SLC17A8: variants seen among roughly 807,000 people sequenced by gnomAD.
SLC17A8 encodes the protein solute carrier family 17 member 8.
A neutral mutation model predicts 58.0 loss-of-function variants in SLC17A8; 31 were observed. The observed-to-expected ratio is 0.53, with a 90% CI of 0.40 to 0.72. SLC17A8 has a LOEUF of 0.72. Ranked by LOEUF, SLC17A8 falls within the 30% of genes least tolerant of loss-of-function variation. The pLI is 0.00. For synonymous variants in SLC17A8, 228 were observed against 249.0 expected (o/e 0.92, Z 0.79); for missense variants, 655 against 727.8 (o/e 0.90, Z 1.15).
intron 10 of SLC17A8, among the ~76,000 whole-genome samples, chr12:100,413,612 G>C (rs1233875216): frequency 6.6e-6 from 1 of 152,174 alleles, no homozygotes; most frequent in Non-Finnish European, 1.5e-5. Flanking sequence ...CATATCAGAA[G>C]CTTCCTATGC....
chr12:100,412,338 T>C (rs1952874504), intron 9 of SLC17A8, among the ~76,000 whole-genome samples: 1 of 151,978 alleles, frequency 6.6e-6, no homozygotes, highest in Admixed American at 6.6e-5. Flanking sequence ...AACACTGCAT[T>C]TCCCCACTCA....
chr12:100,388,203 A>G (rs1952689862), intron 2 of SLC17A8, among the ~76,000 whole-genome samples: 2 of 152,116 alleles, frequency 1.3e-5, no homozygotes, highest in Non-Finnish European at 2.9e-5. Context: ...CTTAAAACTC[A>G]TCTTCTCAGT....
rs377122742 is a variant in SLC17A8 at position 100,365,696 on chromosome 12, C to T, written c.101+8204C>T. Among the ~76,000 whole-genome samples, 5 of 152,320 alleles carry T rather than the reference C, an allele frequency of 3.3e-5. No individual in the cohort carries two copies. In the East Asian group the frequency reaches 5.8e-4, roughly 18 times the overall value. ...GTCTCAAACACTAGACTCCTGTGAA[C>T]TTCGCCCACGTGATGGACCTGTGAT... On this transcript the variant is annotated intron_variant, in intron 1 of 11. Coordinates refer to ENST00000323346, the MANE Select transcript of SLC17A8 (RefSeq NM_139319.3).
At chr12:100,382,760 A>G (rs1447363121) in intron 2 of SLC17A8, among the ~76,000 whole-genome samples, 2 of 152,164 alleles carry the variant, frequency 1.3e-5, no homozygotes, top group Non-Finnish European at 2.9e-5. Context: ...TTGATCATAG[A>G]ATGCTCTCTT....
intron 9 of SLC17A8, among the ~76,000 whole-genome samples, chr12:100,406,036 C>T (rs1245551216): frequency 6.6e-6 from 1 of 152,136 alleles, no homozygotes; most frequent in African/African-American, 2.4e-5. Flanking sequence ...AAGCCTCACC[C>T]TTCTAATGAT....
intron 2 of SLC17A8, among the ~76,000 whole-genome samples, chr12:100,381,950 A>G (rs1952640760): frequency 1.3e-5 from 2 of 152,346 alleles, no homozygotes; most frequent in South Asian, 2.1e-4. Context: ...TCCACGTGGG[A>G]CACAGTCATA....
intron 10 of SLC17A8, among the ~76,000 whole-genome samples, chr12:100,414,592 G>A (rs889836267): frequency 6.6e-6 from 1 of 152,180 alleles, no homozygotes; most frequent in Non-Finnish European, 1.5e-5. Flanking sequence ...CACTTCTTGT[G>A]GGCTGGGCAT....
chr12:100,374,295 C>A (rs1286380931), intron 1 of SLC17A8, among the ~76,000 whole-genome samples: 1 of 152,128 alleles, frequency 6.6e-6, no homozygotes, highest in Non-Finnish European at 1.5e-5. Context: ...AAGAAATGGC[C>A]TGCTATTTGA....
rs1952450964 is a variant in SLC17A8, at chr12:100,357,080, AG to A, written c.-311del. 2.7e-6 allele frequency: 1 copy of A among 369,908 alleles called. No homozygotes were observed. The highest frequency in any genetic ancestry group is 5.2e-6 in the Non-Finnish European group (1 of 191,670). The allele number at this position is 369,908 out of a possible 1,614,324, so 22.9% of individuals were successfully genotyped here. On this transcript the variant is annotated 5_prime_UTR_variant, in exon 1 of 12. Transcript: ENST00000323346. ...AGGGAGAGAGGCTGCGCTCAGTCTGAGAGTGGCTGCCTGAGACAGCTGCCAC... is the reference window on the plus strand; with the variant it reads ...AGGGAGAGAGGCTGCGCTCAGTCTGAAGTGGCTGCCTGAGACAGCTGCCAC...
At position 100,391,018 on chromosome 12, in the gene SLC17A8, G is replaced by A. The variant is rs770229890; in HGVS notation, c.372G>A (p.Trp124Ter). The change falls in exon 3 of 12, where the codon TGG becomes TGA. Residue 124 changes from tryptophan to a stop codon, truncating the protein, a stop_gained. Transcript: ENST00000323346. LOFTEE classifies it high-confidence loss of function. ...KPEIQTAQFN[W>*]DPETVGLIHG... Reference sequence around the variant, plus strand: ...ATTTCCAGACAGCACAGTTTAACTGGGATCCAGAAACAGTGGGCCTTATCC... The same window carrying A: ...ATTTCCAGACAGCACAGTTTAACTGAGATCCAGAAACAGTGGGCCTTATCC... 1.2e-6 allele frequency: 2 copies of A among 1,611,346 alleles called. No individual in the cohort carries two copies. Among genetic ancestry groups the A allele is most frequent in the Non-Finnish European group, 1.7e-6 (2 of 1,177,568 alleles).
At chr12:100,373,667 C>T (rs1952574537) in intron 1 of SLC17A8, among the ~76,000 whole-genome samples, 1 of 149,716 alleles carries the variant, frequency 6.7e-6, no homozygotes, top group Admixed American at 6.7e-5. Context: ...TCACTGCAAC[C>T]TCCGCCTCCT....
At chr12:100,384,899 G>C (rs1036676884) in intron 2 of SLC17A8, among the ~76,000 whole-genome samples, 1 of 152,162 alleles carries the variant, frequency 6.6e-6, no homozygotes, top group African/African-American at 2.4e-5. Context: ...CTTGGAGTCA[G>C]CTCCGTTTTC....
At chr12:100,415,131 C>G (rs1164724623) in intron 10 of SLC17A8, among the ~76,000 whole-genome samples, 1 of 152,208 alleles carries the variant, frequency 6.6e-6, no homozygotes, top group Non-Finnish European at 1.5e-5. Context: ...ACCCAATACT[C>G]CAAATCACAT....
chr12:100,417,679 G>C (rs1358457095), intron 10 of SLC17A8, among the ~76,000 whole-genome samples: 3 of 152,200 alleles, frequency 2.0e-5, no homozygotes, highest in Non-Finnish European at 4.4e-5. Context: ...TAGTCATACT[G>C]TATGTGATTG....
At chr12:100,385,105 T>C (rs1952663685) in intron 2 of SLC17A8, among the ~76,000 whole-genome samples, 2 of 149,360 alleles carry the variant, frequency 1.3e-5, no homozygotes, top group South Asian at 4.2e-4. Flanking sequence ...TTGCTGTCTC[T>C]CTCTCTCTCT....
chr12:100,370,453 A>G (rs1435648059), intron 1 of SLC17A8, among the ~76,000 whole-genome samples: 4 of 151,790 alleles, frequency 2.6e-5, no homozygotes, highest in African/African-American at 7.3e-5. Context: ...ATGCACCACC[A>G]TGTCCAGCTA....
intron 1 of SLC17A8, among the ~76,000 whole-genome samples, chr12:100,365,152 G>A (rs1952511308): frequency 6.6e-6 from 1 of 152,154 alleles, no homozygotes; most frequent in South Asian, 2.1e-4. Context: ...GACTTCTCAG[G>A]TCTGATAGAA....
chr12:100,362,021 A>G (rs966808830), intron 1 of SLC17A8, among the ~76,000 whole-genome samples: 21 of 152,168 alleles, frequency 1.4e-4, no homozygotes, highest in Non-Finnish European at 2.6e-4. Context: ...ATGCATGCTC[A>G]CAATGCCCAG....
At chr12:100,417,777 C>T (rs911420488) in intron 10 of SLC17A8, among the ~76,000 whole-genome samples, 2 of 152,184 alleles carry the variant, frequency 1.3e-5, no homozygotes, top group African/African-American at 4.8e-5. Context: ...TCAGAACCTA[C>T]AAGGTAGAGA....
Sources: allele counts gnomAD v4.1 joint callset (sites outside exome capture counted in the v4.1 genomes callset), GRCh38; gene constraint gnomAD v4.1.1; transcripts MANE v1.5; gene names NCBI Gene and HGNC (gene_info 2026-07-23, HGNC 2026-07-21).